Variants in SPATA17 observed in about 807,000 individuals in gnomAD.
The protein encoded by SPATA17 is spermatogenesis associated 17, also known as spermatogenesis-associated protein 17.
SPATA17 carries 53 observed loss-of-function variants against 62.2 expected under a neutral mutation model. That is an observed-to-expected ratio of 0.85 (90% CI 0.68 to 1.07). The LOEUF (loss-of-function observed/expected upper bound fraction) is 1.07, where lower values mean the gene tolerates loss of function less well. Ranked by LOEUF, SPATA17 falls within the 50% of genes least tolerant of loss-of-function variation. The pLI, the probability that SPATA17 is intolerant of heterozygous loss-of-function variation, is 0.00. For synonymous variants in SPATA17, 146 were observed against 146.8 expected, an observed-to-expected ratio of 0.99 and a Z score of 0.04; for missense variants, 466 against 425.5, an observed-to-expected ratio of 1.10 and a Z score of -0.84.
At chr1:217,642,450 C>G (rs993451492) in intron 1 of SPATA17, among the ~76,000 whole-genome samples, 3 of 152,232 alleles carry the variant, frequency 2.0e-5, no homozygotes, top group Admixed American at 6.5e-5. Flanking sequence ...CTTCTGTGTC[C>G]TCATTGTTCT....
chr1:217,759,357 G>A (rs1238218472), intron 6 of SPATA17, among the ~76,000 whole-genome samples: 7 of 152,078 alleles, frequency 4.6e-5, no homozygotes. Context: ...TACTCGGGAG[G>A]CTGAGGCAGG....
chr1:217,728,689 GT>G (rs1179937259), intron 5 of SPATA17, among the ~76,000 whole-genome samples: 4 of 152,134 alleles, frequency 2.6e-5, no homozygotes, highest in East Asian at 1.9e-4. Context: ...AAAACTGGCT[GT>G]TTTGTAGGTT....
intron 9 of SPATA17, among the ~76,000 whole-genome samples, chr1:217,855,426 A>G (rs1475365856): frequency 6.6e-6 from 1 of 152,188 alleles, no homozygotes; most frequent in East Asian, 1.9e-4. Flanking sequence ...TTTTATTTAG[A>G]TGACATGTTT....
At chr1:217,773,931 A>G (rs541863733) in intron 6 of SPATA17, among the ~76,000 whole-genome samples, 1 of 152,248 alleles carries the variant, frequency 6.6e-6, no homozygotes, top group African/African-American at 2.4e-5. Flanking sequence ...CAAGCATTGT[A>G]TATTTGACTT....
chr1:217,672,113 GCTA>G (rs1413121808), intron 4 of SPATA17, among the ~76,000 whole-genome samples: 2 of 152,150 alleles, frequency 1.3e-5, no homozygotes, highest in Non-Finnish European at 2.9e-5. Context: ...TTAAAATTCT[GCTA>G]CTTTCAAGAG....
At chr1:217,651,881 T>C (rs1256348503) in intron 3 of SPATA17, among the ~76,000 whole-genome samples, 2 of 152,252 alleles carry the variant, frequency 1.3e-5, no homozygotes, top group Non-Finnish European at 1.5e-5. Context: ...TTATTAAAAG[T>C]AACCGTCGTA....
At chr1:217,769,190 T>C (rs1369878396) in intron 6 of SPATA17, among the ~76,000 whole-genome samples, 1 of 152,210 alleles carries the variant, frequency 6.6e-6, no homozygotes, top group African/African-American at 2.4e-5. Context: ...TTTGCAATAT[T>C]TATTTTCCAT....
chr1:217,687,571 G>A (rs915267254), intron 5 of SPATA17, among the ~76,000 whole-genome samples: 11 of 152,084 alleles, frequency 7.2e-5, no homozygotes, highest in Non-Finnish European at 1.6e-4. Context: ...AGTTACAGTT[G>A]TATTACAATT....
intron 9 of SPATA17, among the ~76,000 whole-genome samples, chr1:217,856,123 T>C (rs959452269): frequency 6.6e-6 from 1 of 152,116 alleles, no homozygotes; most frequent in South Asian, 2.1e-4. Context: ...TATACCCACA[T>C]TGAAATAAAA....
intron 9 of SPATA17, among the ~76,000 whole-genome samples, chr1:217,851,870 T>A (rs1675674626): frequency 6.6e-6 from 1 of 152,202 alleles, no homozygotes. Flanking sequence ...TTAAAGACTT[T>A]AAGATAAGTC....
intron 5 of SPATA17, among the ~76,000 whole-genome samples, chr1:217,705,430 C>CTTTT (rs58138326): frequency 0.011 from 501 of 46,630 alleles, 171 homozygotes; most frequent in East Asian, 0.029. Flanking sequence ...TTCTAGTTGT[C>CTTTT]TTTTTTTTTT....
At chr1:217,741,857 A>G (rs1399284811) in intron 5 of SPATA17, 118 bp from the exon 6 acceptor site, 11 of 1,061,850 alleles carry the variant, frequency 1.0e-5, no homozygotes, top group Non-Finnish European at 1.4e-5. Context: ...AGATTACACC[A>G]CTGATTTGGA....
chr1:217,723,975 C>T (rs1457472868), intron 5 of SPATA17, among the ~76,000 whole-genome samples: 1 of 152,214 alleles, frequency 6.6e-6, no homozygotes, highest in Non-Finnish European at 1.5e-5. Flanking sequence ...GAGCTAACCT[C>T]CAATCAAATT....
chr1:217,833,800 T>C (rs1005302395), intron 9 of SPATA17, among the ~76,000 whole-genome samples: 1 of 152,172 alleles, frequency 6.6e-6, no homozygotes, highest in Non-Finnish European at 1.5e-5. Context: ...AAAAGTAAAA[T>C]TTAATGAGAA....
intron 9 of SPATA17, among the ~76,000 whole-genome samples, chr1:217,859,913 G>A (rs892391781): frequency 4.6e-5 from 7 of 151,822 alleles, no homozygotes; most frequent in African/African-American, 1.7e-4. Context: ...TTTTTGCTCT[G>A]ATTTTATTAT....
intron 5 of SPATA17, among the ~76,000 whole-genome samples, chr1:217,724,529 A>G (rs1672212727): frequency 1.3e-5 from 2 of 152,182 alleles, no homozygotes; most frequent in South Asian, 4.1e-4. Flanking sequence ...TGGAGGTTGC[A>G]GTGAGCTGAG....
intron 7 of SPATA17, among the ~76,000 whole-genome samples, chr1:217,779,086 T>G (rs1178860831): frequency 6.6e-6 from 1 of 151,108 alleles, no homozygotes; most frequent in East Asian, 1.9e-4. Context: ...ATATGGAAGA[T>G]ATATATATAT....
intron 4 of SPATA17, among the ~76,000 whole-genome samples, chr1:217,669,454 A>G (rs1670785990): frequency 6.6e-6 from 1 of 152,204 alleles, no homozygotes; most frequent in African/African-American, 2.4e-5. Flanking sequence ...CAAATCAATT[A>G]GAAATTATTC....
intron 6 of SPATA17, among the ~76,000 whole-genome samples, chr1:217,772,026 T>A (rs1322393120): frequency 6.6e-6 from 1 of 152,200 alleles, no homozygotes; most frequent in Non-Finnish European, 1.5e-5. Flanking sequence ...TATTAGATCA[T>A]CACTGATGAG....
Sources: gnomAD v4.1 joint callset for allele counts (sites outside exome capture counted in the v4.1 genomes callset) on GRCh38, gnomAD v4.1.1 for gene constraint, MANE v1.5 for transcripts, NCBI Gene and HGNC (gene_info 2026-07-23, HGNC 2026-07-21) for gene names.